STXBP5L: variants seen among roughly 807,000 people sequenced by gnomAD.
STXBP5L encodes the protein syntaxin-binding protein 5-like.
In STXBP5L, 65 loss-of-function variants were observed where a neutral mutation model predicts 144.5. The observed-to-expected ratio is 0.45, with a 90% CI of 0.37 to 0.55. The LOEUF is 0.55. Ranked by LOEUF, STXBP5L falls within the 20% of genes least tolerant of loss-of-function variation. STXBP5L has a pLI of 0.00. For synonymous variants in STXBP5L, 505 were observed against 469.6 expected, an observed-to-expected ratio of 1.08 and a Z score of -0.97; for missense variants, 1,298 against 1,405.5, an observed-to-expected ratio of 0.92 and a Z score of 1.22.
chr3:121,124,570 T>A (rs915500215), intron 7 of STXBP5L, among the ~76,000 whole-genome samples: 7 of 152,084 alleles, frequency 4.6e-5, no homozygotes, highest in African/African-American at 1.7e-4. Flanking sequence ...TTAATCTTCT[T>A]AAAGAAGTTT....
At chr3:121,351,213 C>T (rs1157677561) in intron 20 of STXBP5L, among the ~76,000 whole-genome samples, 1 of 152,130 alleles carries the variant, frequency 6.6e-6, no homozygotes, top group African/African-American at 2.4e-5. Flanking sequence ...TTGGAGTTTG[C>T]CTGAGTTCCA....
At chr3:121,343,785 G>C (rs2044831889) in intron 20 of STXBP5L, among the ~76,000 whole-genome samples, 1 of 152,084 alleles carries the variant, frequency 6.6e-6, no homozygotes, top group Non-Finnish European at 1.5e-5. Context: ...CATGCTCATG[G>C]GTAGGAAGAA....
intron 20 of STXBP5L, among the ~76,000 whole-genome samples, chr3:121,361,754 T>G (rs894686872): frequency 6.6e-6 from 1 of 152,100 alleles, no homozygotes; most frequent in Non-Finnish European, 1.5e-5. Context: ...GTTCTCTATA[T>G]GAAAGGTCAC....
rs367555785 is a variant in STXBP5L at position 121,419,027 on chromosome 3, G to A, written c.3448-29G>A. 8.3e-5 allele frequency: 133 copies of A among 1,608,446 alleles called. No homozygotes were observed. In the African/African-American group the frequency reaches 8.6e-4, roughly 10 times the overall value. On this transcript the variant is annotated intron_variant, in intron 26 of 26. Coordinates refer to ENST00000471454, the MANE Select transcript of STXBP5L (RefSeq NM_001308330.2). ...AATAGCACTTTTAAAGTATTTTAGC[G>A]TCTTATGGTGGCTATTTTTTCTTTG...
chr3:121,112,181 C>A (rs549427741), intron 5 of STXBP5L, among the ~76,000 whole-genome samples: 45 of 152,178 alleles, frequency 3.0e-4, no homozygotes, highest in Middle Eastern at 3.4e-3. Context: ...ATGATGGCAG[C>A]TGCCCCTCCC....
chr3:121,401,992 A>C (rs554824888), intron 22 of STXBP5L, among the ~76,000 whole-genome samples: 1 of 152,296 alleles, frequency 6.6e-6, no homozygotes, highest in African/African-American at 2.4e-5. Flanking sequence ...TGAAGACAAA[A>C]AGTGGTCAGA....
chr3:120,985,905 A>G (rs1942244353), intron 3 of STXBP5L, among the ~76,000 whole-genome samples: 1 of 151,102 alleles, frequency 6.6e-6, no homozygotes, highest in Non-Finnish European at 1.5e-5. Flanking sequence ...TTGTTTCTCT[A>G]TTTTTAATTT....
chr3:121,172,647 G>A (rs1353583176), intron 9 of STXBP5L, among the ~76,000 whole-genome samples: 2 of 152,218 alleles, frequency 1.3e-5, no homozygotes, highest in African/African-American at 2.4e-5. Context: ...TCTCAGGCCA[G>A]TTAGAATGGC....
At chr3:121,016,253 A>G (rs1945140589) in intron 3 of STXBP5L, among the ~76,000 whole-genome samples, 1 of 152,234 alleles carries the variant, frequency 6.6e-6, no homozygotes, top group Non-Finnish European at 1.5e-5. Flanking sequence ...TACAGCAGTT[A>G]ACAGAACCAG....
chr3:121,325,811 A>T (rs554137084), intron 20 of STXBP5L, among the ~76,000 whole-genome samples: 3 of 151,932 alleles, frequency 2.0e-5, no homozygotes, highest in African/African-American at 7.2e-5. Flanking sequence ...TAATCCTTAC[A>T]TCTATGTAAT....
At chr3:120,997,881 A>T (rs1366614949) in intron 3 of STXBP5L, among the ~76,000 whole-genome samples, 2 of 152,196 alleles carry the variant, frequency 1.3e-5, no homozygotes, top group African/African-American at 2.4e-5. Context: ...AAGCTGATCC[A>T]CTAAGATCAA....
At chr3:121,263,987 G>T (rs939769256) in intron 18 of STXBP5L, among the ~76,000 whole-genome samples, 10 of 152,116 alleles carry the variant, frequency 6.6e-5, no homozygotes, top group Non-Finnish European at 1.0e-4. Flanking sequence ...CCTTGAGAGA[G>T]AAACCACAAG....
chr3:121,047,922 G>C (rs535949704), intron 5 of STXBP5L, among the ~76,000 whole-genome samples: 1 of 151,946 alleles, frequency 6.6e-6, no homozygotes, highest in African/African-American at 2.4e-5. Flanking sequence ...ATACTTGTTT[G>C]TGTGGTTGCT....
At position 121,257,173 on chromosome 3, in the gene STXBP5L, C is replaced by A. The variant is rs1388311069; in HGVS notation, c.1672C>A (p.Arg558=). 1 of 1,604,486 alleles carries A rather than the reference C, an allele frequency of 6.2e-7. No homozygotes were observed. Among genetic ancestry groups the A allele is most frequent in the East Asian group, 2.2e-5 (1 of 44,792 alleles). The change falls in exon 17 of 27, where the codon CGA becomes AGA. Residue 558 remains arginine, a synonymous_variant. Transcript: ENST00000471454. ...ITTEIVSLEV[R]LQYDVEDIIT... is the part of the protein sequence containing the mutation. ...TGATTTTTTTAAGTCATTAGAGGTA[C>A]GACTTCAGTATGATGTTGAAGATAT...
chr3:121,248,273 A>G (rs1239060887), intron 14 of STXBP5L, among the ~76,000 whole-genome samples: 1 of 152,178 alleles, frequency 6.6e-6, no homozygotes, highest in Admixed American at 6.5e-5. Flanking sequence ...CATTTTGGCC[A>G]GGCTGGTCTA....
chr3:121,217,541 G>A (rs555275794), intron 10 of STXBP5L, among the ~76,000 whole-genome samples: 1 of 152,210 alleles, frequency 6.6e-6, no homozygotes, highest in South Asian at 2.1e-4. Flanking sequence ...AGTTCCATGA[G>A]CTGGGTACCT....
chr3:121,237,072 C>T (rs1453473243), intron 12 of STXBP5L, among the ~76,000 whole-genome samples: 1 of 152,220 alleles, frequency 6.6e-6, no homozygotes, highest in East Asian at 1.9e-4. Flanking sequence ...CTGTGCACAG[C>T]CCATGTGGCT....
At chr3:121,309,244 A>G (rs991465241) in intron 19 of STXBP5L, among the ~76,000 whole-genome samples, 1 of 152,112 alleles carries the variant, frequency 6.6e-6, no homozygotes, top group Non-Finnish European at 1.5e-5. Context: ...ATCTGCCTAT[A>G]TGCTGTTTAT....
chr3:121,041,169 C>T (rs1225091093), intron 3 of STXBP5L, among the ~76,000 whole-genome samples: 2 of 150,322 alleles, frequency 1.3e-5, no homozygotes, highest in African/African-American at 2.5e-5. Context: ...CCAGTTTTCT[C>T]GTTTTTTTAC....
Sources: allele counts gnomAD v4.1 joint callset (sites outside exome capture counted in the v4.1 genomes callset), GRCh38; gene constraint gnomAD v4.1.1; transcripts MANE v1.5; gene names NCBI Gene and HGNC (gene_info 2026-07-23, HGNC 2026-07-21).